Variants in ADGB observed in about 807,000 individuals in gnomAD.
ADGB encodes the protein calpain-7-like protein.
In ADGB, 172 loss-of-function variants were observed where a neutral mutation model predicts 210.5. The observed-to-expected ratio is 0.82, with a 90% CI of 0.72 to 0.93. The LOEUF (loss-of-function observed/expected upper bound fraction) is 0.93, where lower values mean the gene tolerates loss of function less well. Among genes scored for constraint, ADGB ranks in the 40% least tolerant of loss-of-function variants. ADGB has a pLI of 0.00. For synonymous variants in ADGB, 658 were observed against 662.7 expected (o/e 0.99, Z 0.11); for missense variants, 2,025 against 1,964.8 (o/e 1.03, Z -0.58).
chr6:146,772,769 AT>A (rs1415388819), intron 29 of ADGB, among the ~76,000 whole-genome samples: 1 of 151,728 alleles, frequency 6.6e-6, no homozygotes, highest in Non-Finnish European at 1.5e-5. Context: ...GTTATGTAAA[AT>A]TTTGTAAATT....
chr6:146,669,488 C>G (rs1775978307), intron 7 of ADGB, among the ~76,000 whole-genome samples: 1 of 152,094 alleles, frequency 6.6e-6, no homozygotes, highest in Admixed American at 6.6e-5. Flanking sequence ...CAACAAAGAC[C>G]TTAATATTGT....
chr6:146,769,418 T>G (rs1051227345), intron 29 of ADGB, among the ~76,000 whole-genome samples: 7 of 152,168 alleles, frequency 4.6e-5, no homozygotes, highest in Non-Finnish European at 8.8e-5. Context: ...TTTTGAACAT[T>G]TCAAAAATGT....
rs142751993 is a variant in ADGB, at chr6:146,690,995, A to G, written c.1312-121A>G. 347 of 634,320 alleles carry G rather than the reference A, an allele frequency of 5.5e-4. 4 individuals carry two copies. In the East Asian group the frequency reaches 0.01, roughly 18 times the overall value. The allele number at this position is 634,320 out of a possible 1,614,324, so 39.3% of individuals were successfully genotyped here. A position where few individuals can be genotyped will look rare whatever the true frequency, so the allele number is the denominator to read the frequency against. On this transcript the variant is annotated intron_variant, in intron 10 of 35. Coordinates refer to ENST00000397944, the MANE Select transcript of ADGB (RefSeq NM_024694.4). ...TGCTTATATTAAGAGAGGTAGAGAT[A>G]TTGGGTGATTTTTTTTCTTACTACC...
intron 1 of ADGB, among the ~76,000 whole-genome samples, chr6:146,629,396 A>T (rs1190736526): frequency 6.6e-6 from 1 of 152,164 alleles, no homozygotes; most frequent in Non-Finnish European, 1.5e-5. Context: ...CTAGTAGGAG[A>T]CACCTCTAAT....
In ADGB at chr6:146,721,406, T is replaced by C. The variant is rs2114571606; in HGVS notation, c.1996T>C (p.Ser666Pro). The C allele has an allele frequency of 1.3e-6, 2 of 1,541,972 alleles. No homozygotes were observed. The highest frequency in any genetic ancestry group is 1.2e-5 in the South Asian group (1 of 83,808). The stretch of plus-strand genomic sequence containing the variant: ...CAACTGGTCTAATTTCTTGCAGTTC[T>C]CAGAAGAACGAGTGTCCTACTATCT... The part of the protein sequence containing the change: ...LNFQKSEFKF[S>P]EERVSYYLFV... The change falls in exon 17 of 36, where the codon TCA becomes CCA. Residue 666 changes from serine to proline, a missense_variant. Physicochemically the swap from Ser to Pro is moderately conservative, Grantham distance 74 (BLOSUM62 -1). Transcript: ENST00000397944.
chr6:146,790,423 T>C (rs1777937730), intron 33 of ADGB, among the ~76,000 whole-genome samples: 1 of 152,188 alleles, frequency 6.6e-6, no homozygotes, highest in African/African-American at 2.4e-5. Context: ...AGATTCCACA[T>C]ATAAATGAGA....
At chr6:146,657,099 T>C in intron 5 of ADGB, 119 bp downstream of exon 5, 1 of 878,944 alleles carries the variant, frequency 1.1e-6, no homozygotes, top group Non-Finnish European at 1.7e-6. Flanking sequence ...GCCAAGGCAG[T>C]GGATCACCTG....
At chr6:146,691,441 TAAAAATA>T (rs1205222736) in intron 11 of ADGB, among the ~76,000 whole-genome samples, 151 bp downstream of exon 11, 1 of 13,532 alleles carries the variant, frequency 7.4e-5, no homozygotes, top group Non-Finnish European at 1.2e-4. Flanking sequence ...TATATATATA[TAAAAATA>T]TATATATATA....
At chr6:146,656,047 G>A (rs544711989) in intron 4 of ADGB, among the ~76,000 whole-genome samples, 11 of 152,114 alleles carry the variant, frequency 7.2e-5, no homozygotes, top group Admixed American at 2.6e-4. Flanking sequence ...AAAAAAATGT[G>A]AAAAATAGCT....
intron 26 of ADGB, among the ~76,000 whole-genome samples, chr6:146,747,757 G>A (rs1777261114): frequency 1.4e-5 from 2 of 139,696 alleles, no homozygotes; most frequent in Admixed American, 1.5e-4. Flanking sequence ...ATATATGCAT[G>A]TGTATATACA....
chr6:146,746,380 A>G (rs1055722196), intron 26 of ADGB, among the ~76,000 whole-genome samples: 1 of 151,846 alleles, frequency 6.6e-6, no homozygotes. Flanking sequence ...TCCTCTTACT[A>G]TTTTCTTCTT....
intron 1 of ADGB, among the ~76,000 whole-genome samples, chr6:146,611,104 G>A (rs1240793708): frequency 1.3e-5 from 2 of 152,054 alleles, no homozygotes; most frequent in Admixed American, 6.5e-5. Flanking sequence ...GCACATGCTG[G>A]TGGGGGCCCA....
At chr6:146,759,503 T>C (rs774266543) in intron 27 of ADGB, among the ~76,000 whole-genome samples, 1 of 151,738 alleles carries the variant, frequency 6.6e-6, no homozygotes, top group Non-Finnish European at 1.5e-5. Context: ...GGAAGCCCTA[T>C]AGGCTAGGAA....
At chr6:146,712,831 C>G (rs1438755955) in intron 13 of ADGB, among the ~76,000 whole-genome samples, 1 of 152,100 alleles carries the variant, frequency 6.6e-6, no homozygotes, top group Non-Finnish European at 1.5e-5. Flanking sequence ...AATACATTTT[C>G]ACTATTGTAT....
At chr6:146,699,451 T>G (rs1776457163) in intron 12 of ADGB, among the ~76,000 whole-genome samples, 1 of 152,128 alleles carries the variant, frequency 6.6e-6, no homozygotes, top group African/African-American at 2.4e-5. Flanking sequence ...GGAGAGAAAG[T>G]GAATTCACCT....
At chr6:146,619,039 A>G (rs902272318) in intron 1 of ADGB, among the ~76,000 whole-genome samples, 1 of 149,144 alleles carries the variant, frequency 6.7e-6, no homozygotes, top group East Asian at 2.0e-4. Flanking sequence ...GTTCTCCAGT[A>G]TTAGGTGCAT....
intron 3 of ADGB, among the ~76,000 whole-genome samples, chr6:146,648,708 G>C (rs770664555): frequency 6.6e-6 from 1 of 151,890 alleles, no homozygotes; most frequent in East Asian, 1.9e-4. Flanking sequence ...CATTAGATTT[G>C]GGTGGGGACA....
chr6:146,705,033 A>T (rs1776547622), intron 13 of ADGB, among the ~76,000 whole-genome samples: 1 of 152,086 alleles, frequency 6.6e-6, no homozygotes, highest in Admixed American at 6.5e-5. Flanking sequence ...AGTATTCAGA[A>T]TATAGGTACC....
rs1481941194 is a variant in ADGB, at chr6:146,801,833, C to T, written c.4640C>T (p.Thr1547Ile). The change falls in exon 35 of 36, where the codon ACA (threonine) becomes ATA (isoleucine). Residue 1547 changes from threonine to isoleucine, a missense_variant. Physicochemically the swap from Thr to Ile is moderately conservative, Grantham distance 89. Coordinates refer to ENST00000397944, the MANE Select transcript of ADGB (RefSeq NM_024694.4). ...FMDLSQYVRK[T>I]DTDPLLQTDE... Reference sequence around the variant, plus strand: ...TTGATGACTTTTGTATCAAGGAAAACAGATACAGATCCTCTGCTGCAAACA... The same window carrying T: ...TTGATGACTTTTGTATCAAGGAAAATAGATACAGATCCTCTGCTGCAAACA... 3 of 1,537,590 alleles carry T rather than the reference C, an allele frequency of 2.0e-6. No individual in the cohort carries two copies. The highest frequency in any genetic ancestry group is 1.7e-4 in the Middle Eastern group (1 of 5,948).
Sources: allele counts gnomAD v4.1 joint callset (sites outside exome capture counted in the v4.1 genomes callset), GRCh38; gene constraint gnomAD v4.1.1; transcripts MANE v1.5; gene names NCBI Gene and HGNC (gene_info 2026-07-23, HGNC 2026-07-21).